ARB2A: variants seen among roughly 807,000 people sequenced by gnomAD.
ARB2A encodes the protein cotranscriptional regulator ARB2A.
chr5:94,027,967 G>A, the ARB2A span, among the ~76,000 whole-genome samples: 13 of 152,046 alleles, frequency 8.6e-5, no homozygotes, highest in Non-Finnish European at 1.6e-4. Flanking sequence ...CCCCCCAGCT[G>A]GTGTCCATTT....
At chr5:93,782,043 C>T in the ARB2A span, 5 of 412,856 alleles carry the variant, frequency 1.2e-5, no homozygotes, top group East Asian at 8.0e-4. Flanking sequence ...CCAACCCACA[C>T]TGTAATCTTC....
the ARB2A span, among the ~76,000 whole-genome samples, chr5:93,773,563 T>C: frequency 4.2e-3 from 644 of 152,280 alleles, 2 homozygotes; most frequent in Middle Eastern, 6.8e-3. Flanking sequence ...CCAACTATAG[T>C]GCTTGCTGAG....
chr5:93,936,598 A>T, the ARB2A span, among the ~76,000 whole-genome samples: 1 of 152,220 alleles, frequency 6.6e-6, no homozygotes, highest in African/African-American at 2.4e-5. Context: ...TAAACAAAAA[A>T]GTATAATTGT....
chr5:94,039,798 A>G, the ARB2A span, among the ~76,000 whole-genome samples: 1 of 152,120 alleles, frequency 6.6e-6, no homozygotes, highest in Non-Finnish European at 1.5e-5. Context: ...ACCAAAGGCT[A>G]ACTTTGGGTA....
the ARB2A span, among the ~76,000 whole-genome samples, chr5:93,649,775 C>A: frequency 6.6e-6 from 1 of 152,120 alleles, no homozygotes; most frequent in Non-Finnish European, 1.5e-5. Flanking sequence ...ATACCTCAGG[C>A]TTTTCCCTGA....
chr5:93,705,619 G>T, the ARB2A span, among the ~76,000 whole-genome samples: 2 of 141,346 alleles, frequency 1.4e-5, no homozygotes, highest in Non-Finnish European at 3.0e-5. Context: ...ATGTGTGTGT[G>T]TGTGTGTGTG....
chr5:93,626,135 G>A, the ARB2A span, among the ~76,000 whole-genome samples: 1 of 152,166 alleles, frequency 6.6e-6, no homozygotes, highest in East Asian at 1.9e-4. Flanking sequence ...TGCAGTAGAT[G>A]TCTTAAGTTA....
At chr5:93,666,438 C>G in the ARB2A span, among the ~76,000 whole-genome samples, 1 of 151,620 alleles carries the variant, frequency 6.6e-6, no homozygotes, top group African/African-American at 2.4e-5. Context: ...TTCTCCAACC[C>G]AGACCCCCTT....
the ARB2A span, among the ~76,000 whole-genome samples, chr5:93,775,558 C>T: frequency 6.6e-6 from 1 of 152,214 alleles, no homozygotes; most frequent in Non-Finnish European, 1.5e-5. Flanking sequence ...TCCTAACCTG[C>T]TCATCTCTTC....
At chr5:94,087,775 G>A in the ARB2A span, among the ~76,000 whole-genome samples, 360 of 152,116 alleles carry the variant, frequency 2.4e-3, no homozygotes, top group African/African-American at 8.2e-3. Flanking sequence ...GTTTATATAC[G>A]TTTAAATAAA....
the ARB2A span, among the ~76,000 whole-genome samples, chr5:93,751,426 G>T: frequency 6.6e-6 from 1 of 152,062 alleles, no homozygotes; most frequent in African/African-American, 2.4e-5. Flanking sequence ...TCAAATATCA[G>T]TTAAATTAAT....
chr5:93,785,452 T>C, the ARB2A span, among the ~76,000 whole-genome samples: 1 of 152,180 alleles, frequency 6.6e-6, no homozygotes, highest in Non-Finnish European at 1.5e-5. Context: ...TTCTATGAAT[T>C]GTCTATCAAA....
chr5:93,880,136 A>G, the ARB2A span, among the ~76,000 whole-genome samples: 1 of 151,792 alleles, frequency 6.6e-6, no homozygotes, highest in Non-Finnish European at 1.5e-5. Context: ...CAAATAATAT[A>G]TTAAATAGTG....
At chr5:93,733,985 CAG>C in the ARB2A span, 1 of 152,152 alleles carries the variant, frequency 6.6e-6, no homozygotes, top group African/African-American at 2.4e-5. Flanking sequence ...CCCCATGAGA[CAG>C]ACTTGGTATA....
chr5:93,933,029 C>T, the ARB2A span, among the ~76,000 whole-genome samples: 8 of 152,186 alleles, frequency 5.3e-5, no homozygotes, highest in South Asian at 4.2e-4. Flanking sequence ...GACATTTATG[C>T]GGACAACAAA....
At chr5:93,978,798 T>G in the ARB2A span, among the ~76,000 whole-genome samples, 1 of 152,096 alleles carries the variant, frequency 6.6e-6, no homozygotes, top group South Asian at 2.1e-4. Context: ...TAAAATATTC[T>G]TTCTATATTA....
chr5:94,029,219 T>C, the ARB2A span, among the ~76,000 whole-genome samples: 1 of 152,288 alleles, frequency 6.6e-6, no homozygotes, highest in African/African-American at 2.4e-5. Context: ...CTCAAACTCC[T>C]GACCTCAAGT....
At chr5:93,683,393 A>C in the ARB2A span, 2 of 1,602,934 alleles carry the variant, frequency 1.2e-6, no homozygotes, top group Admixed American at 3.3e-5. Context: ...ACTAATATGC[A>C]CTGGCCCTGA....
At chr5:94,108,170 T>C in the ARB2A span, among the ~76,000 whole-genome samples, 1 of 152,150 alleles carries the variant, frequency 6.6e-6, no homozygotes, top group African/African-American at 2.4e-5. Flanking sequence ...TTCTTCATCC[T>C]GTTTGGCTCT....
Sources: allele counts gnomAD v4.1 joint callset (sites outside exome capture counted in the v4.1 genomes callset), GRCh38; gene constraint gnomAD v4.1.1; transcripts MANE v1.5; gene names NCBI Gene and HGNC (gene_info 2026-07-23, HGNC 2026-07-21).